ARHGAP26: variants seen among roughly 807,000 people sequenced by gnomAD.
ARHGAP26 encodes the protein rho GTPase-activating protein 26.
ARHGAP26 carries 38 observed loss-of-function variants against 104.8 expected under a neutral mutation model. That is an observed-to-expected ratio of 0.36 (90% CI 0.28 to 0.48). The LOEUF (loss-of-function observed/expected upper bound fraction) is 0.48, where lower values mean the gene tolerates loss of function less well. Among genes scored for constraint, ARHGAP26 ranks in the 20% least tolerant of loss-of-function variants. ARHGAP26 has a pLI of 0.99. For synonymous variants in ARHGAP26, 341 were observed against 340.0 expected, an observed-to-expected ratio of 1.00 and a Z score of -0.03; for missense variants, 704 against 947.9, an observed-to-expected ratio of 0.74 and a Z score of 3.38.
At chr5:142,847,153 C>T (rs539691827) in intron 1 of ARHGAP26, among the ~76,000 whole-genome samples, 1 of 152,270 alleles carries the variant, frequency 6.6e-6, no homozygotes, top group South Asian at 2.1e-4. Context: ...GTGCCTGTCT[C>T]ATGGGATTTT....
At chr5:143,199,819 T>G (rs957525160) in intron 20 of ARHGAP26, among the ~76,000 whole-genome samples, 2 of 152,222 alleles carry the variant, frequency 1.3e-5, no homozygotes, top group Admixed American at 1.3e-4. Context: ...AGTGCAAGAC[T>G]CTCAGGCCCT....
intron 1 of ARHGAP26, among the ~76,000 whole-genome samples, chr5:142,779,306 A>G (rs1757008404): frequency 6.6e-6 from 1 of 152,178 alleles, no homozygotes; most frequent in Non-Finnish European, 1.5e-5. Flanking sequence ...CTGTCATGGC[A>G]TGTTTGTGTC....
intron 17 of ARHGAP26, among the ~76,000 whole-genome samples, chr5:143,108,430 T>C (rs1415113193): frequency 6.6e-6 from 1 of 152,204 alleles, no homozygotes; most frequent in Non-Finnish European, 1.5e-5. Context: ...CTGGACACCA[T>C]ACATTACTGT....
intron 20 of ARHGAP26, among the ~76,000 whole-genome samples, chr5:143,149,410 G>C (rs996181031): frequency 1.2e-4 from 18 of 152,258 alleles, no homozygotes; most frequent in Non-Finnish European, 2.5e-4. Flanking sequence ...ATGGCCCTGA[G>C]TGAGAGCCAT....
intron 3 of ARHGAP26, among the ~76,000 whole-genome samples, chr5:142,877,828 C>T (rs1216208032): frequency 6.6e-6 from 1 of 152,176 alleles, no homozygotes; most frequent in Non-Finnish European, 1.5e-5. Context: ...GGTGATTCTA[C>T]TGTGTAGTTA....
At chr5:142,791,639 T>C (rs1223429291) in intron 1 of ARHGAP26, among the ~76,000 whole-genome samples, 1 of 152,148 alleles carries the variant, frequency 6.6e-6, no homozygotes, top group African/African-American at 2.4e-5. Flanking sequence ...TATTAGAGTA[T>C]ATATTCTCCT....
At chr5:143,138,639 G>A (rs748412032) in intron 19 of ARHGAP26, among the ~76,000 whole-genome samples, 10 of 152,140 alleles carry the variant, frequency 6.6e-5, no homozygotes, top group Non-Finnish European at 1.3e-4. Flanking sequence ...GTAGAACTGC[G>A]GAGAGAACTG....
intron 17 of ARHGAP26, among the ~76,000 whole-genome samples, chr5:143,076,754 G>T (rs555553405): frequency 3.3e-5 from 5 of 152,164 alleles, no homozygotes; most frequent in African/African-American, 9.7e-5. Context: ...TGCTATCAGG[G>T]TATACTCTAA....
At chr5:142,958,790 C>T (rs1350208530) in intron 11 of ARHGAP26, among the ~76,000 whole-genome samples, 3 of 151,522 alleles carry the variant, frequency 2.0e-5, no homozygotes, top group South Asian at 2.1e-4. Flanking sequence ...CAACATAGGC[C>T]GGGTGCAGTG....
At chr5:143,159,788 A>G (rs894828466) in intron 20 of ARHGAP26, among the ~76,000 whole-genome samples, 2 of 152,212 alleles carry the variant, frequency 1.3e-5, no homozygotes, top group African/African-American at 4.8e-5. Flanking sequence ...GGGTGGGTGT[A>G]ATATCTGTAA....
chr5:142,902,230 T>C (rs1407717623), intron 7 of ARHGAP26, among the ~76,000 whole-genome samples, 191 bp downstream of exon 7: 2 of 152,142 alleles, frequency 1.3e-5, no homozygotes, highest in African/African-American at 4.8e-5. Context: ...CATCATCCTC[T>C]TCTCCATTAT....
rs142274179 is a variant in ARHGAP26 at position 142,864,883 on chromosome 5, G to A, written c.155-8517G>A. 1.9e-3 allele frequency among the ~76,000 whole-genome samples: 285 copies of A among 152,372 alleles called. 2 individuals carry two copies. The highest frequency in any genetic ancestry group is 6.5e-3 in the African/African-American group (270 of 41,586). On this transcript the variant is annotated intron_variant, in intron 1 of 22. Coordinates refer to ENST00000645722, the MANE Select transcript of ARHGAP26 (RefSeq NM_001135608.3). ...GTGAGAGACCGGGATTTAAGCTGATGTTTGCGCAGCCAATGCGCGTCATAC... is the reference window on the plus strand; with the variant it reads ...GTGAGAGACCGGGATTTAAGCTGATATTTGCGCAGCCAATGCGCGTCATAC...
chr5:142,857,508 A>G (rs551519898), intron 1 of ARHGAP26, among the ~76,000 whole-genome samples: 6 of 152,256 alleles, frequency 3.9e-5, no homozygotes, highest in African/African-American at 1.4e-4. Context: ...CTGCTCATGC[A>G]TGCCTCTGGC....
At chr5:143,212,382 T>A (rs1030403436) in intron 21 of ARHGAP26, among the ~76,000 whole-genome samples, 1 of 151,726 alleles carries the variant, frequency 6.6e-6, no homozygotes, top group African/African-American at 2.4e-5. Flanking sequence ...ATGCCTCTTA[T>A]ATTCCTCCCT....
chr5:142,824,655 A>G (rs1766864899), intron 1 of ARHGAP26, among the ~76,000 whole-genome samples: 1 of 152,192 alleles, frequency 6.6e-6, no homozygotes, highest in South Asian at 2.1e-4. Flanking sequence ...GCCAGCTGCT[A>G]CTGTGCTTAA....
chr5:143,010,022 A>G (rs1011655505), intron 11 of ARHGAP26, among the ~76,000 whole-genome samples: 2 of 152,224 alleles, frequency 1.3e-5, no homozygotes, highest in African/African-American at 4.8e-5. Flanking sequence ...AGACAAAGCT[A>G]TGGTCAAAGT....
At chr5:143,015,756 C>T (rs999000395) in intron 12 of ARHGAP26, among the ~76,000 whole-genome samples, 1 of 151,934 alleles carries the variant, frequency 6.6e-6, no homozygotes, top group African/African-American at 2.4e-5. Flanking sequence ...ATGGAGACCT[C>T]CCCCTACACC....
chr5:142,895,870 C>G (rs902512620), intron 6 of ARHGAP26, among the ~76,000 whole-genome samples: 2 of 152,206 alleles, frequency 1.3e-5, no homozygotes. Flanking sequence ...AACCTTATGT[C>G]TACATCTTTT....
chr5:142,792,255 A>C (rs559843584), intron 1 of ARHGAP26, among the ~76,000 whole-genome samples: 15 of 152,230 alleles, frequency 9.9e-5, no homozygotes, highest in Non-Finnish European at 2.1e-4. Flanking sequence ...GTTCATTTGG[A>C]TAGTTCCACA....
Sources: gnomAD v4.1 joint callset for allele counts (sites outside exome capture counted in the v4.1 genomes callset) on GRCh38, gnomAD v4.1.1 for gene constraint, MANE v1.5 for transcripts, NCBI Gene and HGNC (gene_info 2026-07-23, HGNC 2026-07-21) for gene names.